The following RARB variants were observed in gnomAD, a reference collection of about 807,000 sequenced individuals.
RARB encodes retinoic acid receptor beta.
RARB carries 17 observed loss-of-function variants against 51.9 expected under a neutral mutation model. The ratio of observed to expected loss-of-function variants is 0.33; its 90% CI spans 0.22 to 0.49. The LOEUF is 0.49. RARB is among the 20% of genes least tolerant of loss of function. RARB has a pLI of 0.99. For missense variants in RARB, 369 were observed against 550.8 expected, an observed-to-expected ratio of 0.67 and a Z score of 3.30; for synonymous variants, 215 against 195.4, an observed-to-expected ratio of 1.10 and a Z score of -0.84.
intron 2 of RARB, among the ~76,000 whole-genome samples, chr3:24,964,147 A>G (rs1028273644): frequency 1.3e-5 from 2 of 149,324 alleles, no homozygotes; most frequent in African/African-American, 4.9e-5. Flanking sequence ...CCCACCCCAC[A>G]TACTGTATAA....
intron 5 of RARB, among the ~76,000 whole-genome samples, chr3:25,182,505 A>G (rs1256930616): frequency 1.3e-5 from 2 of 152,146 alleles, no homozygotes; most frequent in Non-Finnish European, 2.9e-5. Context: ...AATGTCCCCA[A>G]GGGGTATAAA....
chr3:25,569,444 CTCTT>C (rs1320828325), intron 3 of RARB, among the ~76,000 whole-genome samples: 1 of 152,218 alleles, frequency 6.6e-6, no homozygotes, highest in African/African-American at 2.4e-5. Context: ...AAATCCTTCT[CTCTT>C]CAAGAGATCC....
At chr3:25,080,407 C>A (rs562630140) in intron 3 of RARB, among the ~76,000 whole-genome samples, 1 of 152,224 alleles carries the variant, frequency 6.6e-6, no homozygotes, top group African/African-American at 2.4e-5. Flanking sequence ...GAACAAGTAC[C>A]TGTTTATGTC....
chr3:24,926,585 A>G (rs890373177), intron 2 of RARB, among the ~76,000 whole-genome samples: 14 of 152,080 alleles, frequency 9.2e-5, no homozygotes, highest in African/African-American at 3.4e-4. Flanking sequence ...TGAGCTAGTG[A>G]TGCTTCGAGG....
chr3:25,121,607 C>G (rs1054509871), intron 3 of RARB, among the ~76,000 whole-genome samples: 1 of 152,104 alleles, frequency 6.6e-6, no homozygotes, highest in Non-Finnish European at 1.5e-5. Flanking sequence ...TGGGGATTTG[C>G]TCTTCCTAAG....
intron 2 of RARB, among the ~76,000 whole-genome samples, chr3:24,956,620 A>G (rs558247511): frequency 3.3e-5 from 5 of 152,340 alleles, no homozygotes; most frequent in African/African-American, 9.6e-5. Context: ...AAGGTAATAC[A>G]TAGATGTGTT....
chr3:25,498,794 A>T (rs1697163195), intron 2 of RARB, among the ~76,000 whole-genome samples: 1 of 152,180 alleles, frequency 6.6e-6, no homozygotes, highest in African/African-American at 2.4e-5. Context: ...CATTGTGTTA[A>T]TGTTTCTCGG....
At chr3:25,440,682 A>G (rs1708633106) in intron 1 of RARB, among the ~76,000 whole-genome samples, 1 of 151,850 alleles carries the variant, frequency 6.6e-6, no homozygotes, top group African/African-American at 2.4e-5. Context: ...CTGAGGCAGG[A>G]GAATCGCTTG....
chr3:25,575,432 G>A (rs1467075688), intron 4 of RARB, among the ~76,000 whole-genome samples: 2 of 152,180 alleles, frequency 1.3e-5, no homozygotes, highest in African/African-American at 4.8e-5. Flanking sequence ...TACAAACTGG[G>A]TGGCTTGAGA....
chr3:25,596,963 G>T lies in RARB; in HGVS notation c.*347G>T. 5.3e-6 allele frequency: 1 copy of T among 187,528 alleles called. No homozygotes were observed. Among genetic ancestry groups the T allele is most frequent in the East Asian group, 1.3e-4 (1 of 7,950 alleles). The allele number at this position is 187,528 out of a possible 1,614,324, so 11.6% of individuals were successfully genotyped here. On this transcript the variant is annotated 3_prime_UTR_variant, in exon 8 of 8. Coordinates refer to ENST00000330688, the MANE Select transcript of RARB (RefSeq NM_000965.5). The stretch of plus-strand genomic sequence containing the variant: ...AAGACTTTGTACATACAGAAGTATG[G>T]CTCTGTTCTTTCTATACTGTATGTT...
At chr3:25,000,209 T>C (rs1178893505) in intron 2 of RARB, among the ~76,000 whole-genome samples, 1 of 152,168 alleles carries the variant, frequency 6.6e-6, no homozygotes, top group Non-Finnish European at 1.5e-5. Context: ...TTCTGGTAGT[T>C]CCATCAGTTT....
chr3:25,184,753 A>G (rs1170951272), intron 5 of RARB, among the ~76,000 whole-genome samples: 5 of 152,222 alleles, frequency 3.3e-5, no homozygotes, highest in South Asian at 4.1e-4. Flanking sequence ...TAGGCTAAGT[A>G]TGGTGGCTCA....
At chr3:25,288,171 A>G (rs965855370) in intron 5 of RARB, among the ~76,000 whole-genome samples, 3 of 152,192 alleles carry the variant, frequency 2.0e-5, no homozygotes, top group African/African-American at 7.2e-5. Flanking sequence ...GGAATTGTCC[A>G]GGGTAGGTTA....
chr3:25,417,329 G>T lies in RARB; in HGVS notation c.179-43864G>T, dbSNP rs1011906432. Among the ~76,000 whole-genome samples, 3 of 152,036 alleles carry T rather than the reference G, an allele frequency of 2.0e-5. No homozygotes were observed. In the South Asian group the frequency reaches 6.2e-4, roughly 32 times the overall value. ...CAGCAAGAAAGGAGAGAATAACCTG[G>T]CCCAACTAAGGAAGAAAAGTAGGTC... is the stretch of plus-strand genomic sequence containing the variant. On this transcript the variant is annotated intron_variant, in intron 5 of 11. Transcript: ENST00000383772.
intron 5 of RARB, among the ~76,000 whole-genome samples, chr3:25,374,303 G>A (rs1037001521): frequency 1.3e-5 from 2 of 152,130 alleles, no homozygotes; most frequent in African/African-American, 4.8e-5. Context: ...CAAGTCTCAG[G>A]ACCAGTTATC....
chr3:24,876,457 G>A (rs1703044115), intron 2 of RARB, among the ~76,000 whole-genome samples: 2 of 152,138 alleles, frequency 1.3e-5, no homozygotes, highest in African/African-American at 4.8e-5. Context: ...ATGAAAATAA[G>A]TTATAATAAT....
chr3:25,310,617 G>A (rs1283113994), intron 5 of RARB, among the ~76,000 whole-genome samples: 1 of 152,188 alleles, frequency 6.6e-6, no homozygotes, highest in Admixed American at 6.5e-5. Context: ...CAGGCTGGGA[G>A]CTGGAATGCC....
intron 2 of RARB, among the ~76,000 whole-genome samples, chr3:25,059,397 G>A (rs6765351): frequency 0.017 from 2,607 of 151,578 alleles, 70 homozygotes; most frequent in African/African-American, 0.051. Flanking sequence ...AAACCATACC[G>A]ATATACACTT....
intron 5 of RARB, among the ~76,000 whole-genome samples, chr3:25,304,821 C>G (rs536858052): frequency 1.3e-5 from 2 of 152,296 alleles, no homozygotes; most frequent in Non-Finnish European, 2.9e-5. Flanking sequence ...CTAATGGCCT[C>G]CATCTCCTTT....
Sources: allele counts gnomAD v4.1 joint callset (sites outside exome capture counted in the v4.1 genomes callset), GRCh38; gene constraint gnomAD v4.1.1; transcripts MANE v1.5; gene names NCBI Gene and HGNC (gene_info 2026-07-23, HGNC 2026-07-21).